The following PDZD2 variants were observed in gnomAD, a reference collection of about 807,000 sequenced individuals.
The protein encoded by PDZD2 is PDZ domain containing 2.
Under a neutral mutation model 220.7 loss-of-function variants are expected in PDZD2, and 90 were observed. The observed-to-expected ratio is 0.41, with a 90% CI of 0.34 to 0.49. The LOEUF is 0.49. Ranked by LOEUF, PDZD2 falls within the 20% of genes least tolerant of loss-of-function variation. The pLI, the probability that PDZD2 is intolerant of heterozygous loss-of-function variation, is 0.28. For synonymous variants in PDZD2, 1,375 were observed against 1,450.5 expected (o/e 0.95, Z 1.18); for missense variants, 3,174 against 3,608.5 (o/e 0.88, Z 3.08).
intron 2 of PDZD2, among the ~76,000 whole-genome samples, chr5:31,974,624 C>T (rs1749585689): frequency 6.6e-6 from 1 of 152,192 alleles, no homozygotes; most frequent in Non-Finnish European, 1.5e-5. Context: ...AGATGAAAAA[C>T]GTTCATTACT....
intron 8 of PDZD2, among the ~76,000 whole-genome samples, chr5:32,050,182 C>T (rs1398842532): frequency 2.0e-5 from 3 of 152,168 alleles, no homozygotes; most frequent in Admixed American, 6.5e-5. Context: ...CCACCTGCCT[C>T]GGCCTCCCAA....
At position 31,645,608 on chromosome 5, in the gene PDZD2, T is replaced by A. The variant is rs145351185; in HGVS notation, c.-361+6171T>A. Among the ~76,000 whole-genome samples, 680 of 152,290 alleles carry A rather than the reference T, an allele frequency of 4.5e-3. 3 individuals carry two copies. Among genetic ancestry groups the A allele is most frequent in the African/African-American group, 0.016 (660 of 41,538 alleles). On this transcript the variant is annotated intron_variant, in intron 1 of 24. Coordinates refer to ENST00000438447, the MANE Select transcript of PDZD2 (RefSeq NM_178140.4). Reference sequence around the variant, plus strand: ...CCTTGGCCTCCCGAGGTGCTGAGATTACAGGCGTGAGCCGCTGTGCCCGGC... The same window carrying A: ...CCTTGGCCTCCCGAGGTGCTGAGATAACAGGCGTGAGCCGCTGTGCCCGGC...
intron 2 of PDZD2, among the ~76,000 whole-genome samples, chr5:31,939,835 T>C (rs557609249): frequency 2.0e-5 from 3 of 152,286 alleles, no homozygotes; most frequent in South Asian, 2.1e-4. Flanking sequence ...TTTTTCCTTA[T>C]GGTGAATAGA....
At chr5:31,808,394 C>G (rs779380258) in intron 2 of PDZD2, among the ~76,000 whole-genome samples, 1 of 152,230 alleles carries the variant, frequency 6.6e-6, no homozygotes, top group East Asian at 1.9e-4. Flanking sequence ...CCATGTGGAA[C>G]AGCCCATTCC....
rs758490050 is a variant in PDZD2 at position 32,092,989 on chromosome 5, C to T, written c.7810C>T (p.Leu2604=). 2 of 1,598,392 alleles carry T rather than the reference C, an allele frequency of 1.3e-6. No homozygotes were observed. Among genetic ancestry groups the T allele is most frequent in the East Asian group, 4.5e-5 (2 of 44,790 alleles). The part of the protein sequence containing the change: ...LSSVGSKSTI[L]TLIQEAKAQS... Reference sequence around the variant, plus strand: ...GTCAGTGGGATCGAAATCTACCATCCTAACTCTCATTCAGGAAGCGAAAGC... The same window carrying T: ...GTCAGTGGGATCGAAATCTACCATCTTAACTCTCATTCAGGAAGCGAAAGC... Residue 2604 remains leucine (L), a synonymous_variant, in exon 21 of 25, where the codon CTA becomes TTA. Coordinates refer to ENST00000438447, the MANE Select transcript of PDZD2 (RefSeq NM_178140.4).
chr5:32,093,981 T>TA (rs539550812), intron 21 of PDZD2, among the ~76,000 whole-genome samples: 5,948 of 145,002 alleles, frequency 0.041, 186 homozygotes, highest in Non-Finnish European at 0.061. Context: ...TCATCTCAAT[T>TA]AAAAAAAAAA....
intron 1 of PDZD2, among the ~76,000 whole-genome samples, chr5:31,706,429 G>A (rs77751909): frequency 0.14 from 20,613 of 152,088 alleles, 1,507 homozygotes; most frequent in East Asian, 0.21. Context: ...AGGGGCTGGT[G>A]TGCAGGGGAG....
At chr5:31,759,632 G>A (rs1751514803) in intron 1 of PDZD2, among the ~76,000 whole-genome samples, 1 of 149,778 alleles carries the variant, frequency 6.7e-6, no homozygotes, top group African/African-American at 2.5e-5. Flanking sequence ...TGCAACCTCT[G>A]CCTCCCAGGT....
chr5:32,038,132 G>A (rs1394185792), intron 7 of PDZD2, among the ~76,000 whole-genome samples: 4 of 144,592 alleles, frequency 2.8e-5, no homozygotes, highest in African/African-American at 1.0e-4. Flanking sequence ...GTGAGCCACC[G>A]TGCCTGGCAA....
intron 2 of PDZD2, among the ~76,000 whole-genome samples, chr5:31,877,821 C>G (rs1480221330): frequency 3.3e-5 from 5 of 152,132 alleles, no homozygotes; most frequent in Non-Finnish European, 7.3e-5. Context: ...TCCCGAGCAG[C>G]TGGGATTACA....
At chr5:31,942,755 G>A (rs891835493) in intron 2 of PDZD2, among the ~76,000 whole-genome samples, 2 of 152,306 alleles carry the variant, frequency 1.3e-5, no homozygotes, top group South Asian at 2.1e-4. Context: ...TCATGGTGTC[G>A]TGACTACTTT....
chr5:32,046,904 G>T (rs766898163), intron 7 of PDZD2, among the ~76,000 whole-genome samples: 9 of 152,028 alleles, frequency 5.9e-5, no homozygotes, highest in South Asian at 2.1e-4. Flanking sequence ...TTAGCTGGGC[G>T]TGGTGGCGTG....
At chr5:31,688,664 T>C (rs1189351239) in intron 1 of PDZD2, among the ~76,000 whole-genome samples, 1 of 152,186 alleles carries the variant, frequency 6.6e-6, no homozygotes, top group Non-Finnish European at 1.5e-5. Context: ...CTCACCAGGC[T>C]GTCTTCTCAC....
chr5:32,016,102 G>A (rs1014760232), intron 6 of PDZD2, among the ~76,000 whole-genome samples: 7 of 152,200 alleles, frequency 4.6e-5, no homozygotes, highest in South Asian at 4.1e-4. Flanking sequence ...AGGACCTTCC[G>A]ATTCTGTGAG....
At chr5:31,840,443 T>TA (rs1757229637) in intron 2 of PDZD2, 1 of 105,140 alleles carries the variant, frequency 9.5e-6, no homozygotes, top group African/African-American at 4.3e-5. Flanking sequence ...TATATATATA[T>TA]ATATATTTGT....
intron 1 of PDZD2, among the ~76,000 whole-genome samples, chr5:31,722,720 C>T (rs1308911286): frequency 6.6e-6 from 1 of 150,646 alleles, no homozygotes. Flanking sequence ...GACAGAATCT[C>T]ATTCTGTTGC....
chr5:32,092,024 A>G (rs549123446), intron 20 of PDZD2, among the ~76,000 whole-genome samples: 1 of 152,330 alleles, frequency 6.6e-6, no homozygotes, highest in African/African-American at 2.4e-5. Flanking sequence ...CTGTAATCCC[A>G]GCACTTTAGG....
intron 1 of PDZD2, among the ~76,000 whole-genome samples, chr5:31,655,907 C>G (rs1745530366): frequency 6.6e-6 from 1 of 152,186 alleles, no homozygotes; most frequent in South Asian, 2.1e-4. Flanking sequence ...AGTCTCAAAA[C>G]TTAAATTGCA....
At chr5:31,692,447 C>A (rs1050056589) in intron 1 of PDZD2, among the ~76,000 whole-genome samples, 1 of 152,242 alleles carries the variant, frequency 6.6e-6, no homozygotes, top group Non-Finnish European at 1.5e-5. Flanking sequence ...TCCTCAAGTG[C>A]CGCCAAAGTG....
Sources: gnomAD v4.1 joint callset for allele counts (sites outside exome capture counted in the v4.1 genomes callset) on GRCh38, gnomAD v4.1.1 for gene constraint, MANE v1.5 for transcripts, NCBI Gene and HGNC (gene_info 2026-07-23, HGNC 2026-07-21) for gene names.